Variants in RBFOX1 observed in about 807,000 individuals in gnomAD.
The protein encoded by RBFOX1 is RNA binding fox-1 homolog 1.
RBFOX1 carries 8 observed loss-of-function variants against 57.7 expected under a neutral mutation model. The ratio of observed to expected loss-of-function variants is 0.14; its 90% CI spans 0.08 to 0.25. The LOEUF is 0.25. RBFOX1 is among the 10% of genes least tolerant of loss of function. The probability of loss-of-function intolerance (pLI) is 1.00; values close to 1 mark genes in which losing one functional copy is unlikely to be tolerated. For synonymous variants in RBFOX1, 326 were observed against 222.4 expected, an observed-to-expected ratio of 1.47 and a Z score of -4.15; for missense variants, 611 against 548.5, an observed-to-expected ratio of 1.11 and a Z score of -1.14.
chr16:6,580,296 T>C (rs1293978158), intron 2 of RBFOX1, among the ~76,000 whole-genome samples: 1 of 152,186 alleles, frequency 6.6e-6, no homozygotes, highest in Admixed American at 6.5e-5. Context: ...TGTTTGACTT[T>C]TTCCATCACA....
At position 6,716,949 on chromosome 16, in the gene RBFOX1, T is replaced by C. The variant is rs544641012; in HGVS notation, c.-16+62299T>C. On this transcript the variant is annotated intron_variant, in intron 3 of 15. Transcript: ENST00000550418. ...GGTCTTTGGAAGGCCATTATATCAC[T>C]AGAGTGGAGCCCTCACAAATGGGAT... Among the ~76,000 whole-genome samples, 30 of 152,308 alleles carry C rather than the reference T, an allele frequency of 2.0e-4. No individual in the cohort carries two copies. In the South Asian group the frequency reaches 5.8e-3, roughly 29 times the overall value.
chr16:7,265,291 G>T (rs1372578331), intron 4 of RBFOX1, among the ~76,000 whole-genome samples: 1 of 151,982 alleles, frequency 6.6e-6, no homozygotes, highest in African/African-American at 2.4e-5. Context: ...TGTGGTCTCG[G>T]TGGCTTATGG....
intron 3 of RBFOX1, among the ~76,000 whole-genome samples, chr16:6,855,543 C>G (rs1407248840): frequency 6.6e-6 from 1 of 151,420 alleles, no homozygotes; most frequent in Non-Finnish European, 1.5e-5. Flanking sequence ...GTCCCAGCTA[C>G]TGGGGAGGCT....
intron 1 of RBFOX1, among the ~76,000 whole-genome samples, chr16:5,390,265 A>G (rs1040510606): frequency 6.8e-6 from 1 of 148,002 alleles, no homozygotes; most frequent in African/African-American, 2.5e-5. Flanking sequence ...TATAGTATGT[A>G]AATATCGAAA....
intron 4 of RBFOX1, among the ~76,000 whole-genome samples, chr16:7,162,284 T>G (rs750624534): frequency 3.9e-5 from 6 of 152,210 alleles, no homozygotes; most frequent in Non-Finnish European, 8.8e-5. Flanking sequence ...TCCATATGTA[T>G]ATATATGTAT....
intron 2 of RBFOX1, among the ~76,000 whole-genome samples, chr16:5,551,791 G>GC (rs2045475963): frequency 9.0e-6 from 1 of 111,232 alleles, no homozygotes; most frequent in African/African-American, 3.4e-5. Context: ...CCCTCCCTCC[G>GC]CCCCCCACCC....
intron 5 of RBFOX1, among the ~76,000 whole-genome samples, chr16:7,541,116 C>A (rs1020540783): frequency 6.6e-6 from 1 of 152,214 alleles, no homozygotes; most frequent in Non-Finnish European, 1.5e-5. Flanking sequence ...CGCTGCTTTT[C>A]GCCCCTGACT....
In RBFOX1 at chr16:5,722,044, A is replaced by G. The variant is rs181453776; in HGVS notation, c.318+123083A>G. Among the ~76,000 whole-genome samples, 224 of 152,332 alleles carry G rather than the reference A, an allele frequency of 1.5e-3. 2 individuals are homozygous for G. Among genetic ancestry groups the G allele is most frequent in the African/African-American group, 5.1e-3 (212 of 41,578 alleles). On this transcript the variant is annotated intron_variant, in intron 3 of 19. Transcript: ENST00000641259. Reference sequence around the variant, plus strand: ...GCTCTAAGGAGAATCCTCATGTGGTAGAATCATAAATCCGAAGTATTGAAC... The same window carrying G: ...GCTCTAAGGAGAATCCTCATGTGGTGGAATCATAAATCCGAAGTATTGAAC...
chr16:5,443,232 A>T (rs1180564057), intron 1 of RBFOX1, among the ~76,000 whole-genome samples: 2 of 152,150 alleles, frequency 1.3e-5, no homozygotes, highest in African/African-American at 2.4e-5. Flanking sequence ...GATAGGAAAA[A>T]CCCAACCTAA....
intron 2 of RBFOX1, among the ~76,000 whole-genome samples, chr16:6,638,336 C>G (rs544175662): frequency 6.6e-6 from 1 of 152,008 alleles, no homozygotes; most frequent in Non-Finnish European, 1.5e-5. Context: ...ACTGGTAAAT[C>G]GCATGGCAAA....
At chr16:6,765,470 C>T (rs1052516530) in intron 3 of RBFOX1, among the ~76,000 whole-genome samples, 2 of 152,046 alleles carry the variant, frequency 1.3e-5, no homozygotes, top group African/African-American at 4.8e-5. Context: ...GTGGAACATA[C>T]CCCTATAACT....
At chr16:7,353,185 A>T (rs1319917947) in intron 4 of RBFOX1, among the ~76,000 whole-genome samples, 2 of 152,230 alleles carry the variant, frequency 1.3e-5, no homozygotes, top group African/African-American at 4.8e-5. Context: ...ATTGATTCAC[A>T]AAAACCATAC....
intron 4 of RBFOX1, among the ~76,000 whole-genome samples, chr16:7,292,265 AGAACG>A (rs1603519595): frequency 2.8e-5 from 3 of 106,896 alleles, no homozygotes; most frequent in Non-Finnish European, 5.3e-5. Context: ...TATATGATAT[AGAACG>A]TATTATATAT....
chr16:7,114,201 G>C (rs2065390799), intron 4 of RBFOX1, among the ~76,000 whole-genome samples: 1 of 152,148 alleles, frequency 6.6e-6, no homozygotes, highest in African/African-American at 2.4e-5. Flanking sequence ...TTACGTGGAG[G>C]TGCTAAGGTT....
intron 4 of RBFOX1, among the ~76,000 whole-genome samples, chr16:5,962,324 T>C (rs115446791): frequency 2.7e-3 from 407 of 152,344 alleles, no homozygotes; most frequent in African/African-American, 9.3e-3. Context: ...CCTGACCCTG[T>C]ACTGCTATCA....
intron 3 of RBFOX1, among the ~76,000 whole-genome samples, chr16:6,837,558 A>G (rs1020918353): frequency 2.0e-5 from 3 of 152,204 alleles, no homozygotes; most frequent in African/African-American, 7.2e-5. Flanking sequence ...TTAGCATGTG[A>G]GTACTGGGCT....
intron 3 of RBFOX1, among the ~76,000 whole-genome samples, chr16:7,016,461 G>A (rs918552565): frequency 1.3e-5 from 2 of 152,066 alleles, no homozygotes; most frequent in Admixed American, 1.3e-4. Context: ...CACTTGTTTC[G>A]GGACGTAACC....
At chr16:6,980,154 A>G (rs573673972) in intron 3 of RBFOX1, among the ~76,000 whole-genome samples, 27 of 152,290 alleles carry the variant, frequency 1.8e-4, no homozygotes, top group Non-Finnish European at 1.8e-4. Context: ...TCCCTCTTCA[A>G]TTAAGCCTCC....
intron 2 of RBFOX1, among the ~76,000 whole-genome samples, chr16:5,572,411 A>G (rs1033388940): frequency 2.0e-5 from 3 of 152,142 alleles, no homozygotes; most frequent in African/African-American, 7.2e-5. Flanking sequence ...GGATTTCTCA[A>G]TCTTGGCGCT....
Sources: gnomAD v4.1 joint callset for allele counts (sites outside exome capture counted in the v4.1 genomes callset) on GRCh38, gnomAD v4.1.1 for gene constraint, MANE v1.5 for transcripts, NCBI Gene and HGNC (gene_info 2026-07-23, HGNC 2026-07-21) for gene names.